The following SGO2 variants were observed in gnomAD, a reference collection of about 807,000 sequenced individuals.
SGO2 encodes the protein shugoshin 2.
Under a neutral mutation model 99.5 loss-of-function variants are expected in SGO2, and 68 were observed. The observed-to-expected ratio is 0.68, with a 90% CI of 0.56 to 0.84. The LOEUF (loss-of-function observed/expected upper bound fraction) is 0.84, where lower values mean the gene tolerates loss of function less well. SGO2 is among the 40% of genes least tolerant of loss of function. The pLI, the probability that SGO2 is intolerant of heterozygous loss-of-function variation, is 0.00. For missense variants in SGO2, 1,350 were observed against 1,436.7 expected (o/e 0.94, Z 0.97); for synonymous variants, 457 against 487.1 (o/e 0.94, Z 0.81).
Position 200,570,546 on chromosome 2 carries a change from C to CAT in SGO2, c.704-498_704-497dup, listed in dbSNP as rs1208689992. On this transcript the variant is annotated intron_variant, in intron 6 of 8. Coordinates refer to ENST00000357799, the MANE Select transcript of SGO2 (RefSeq NM_152524.6). This position sits in a 1 kb window ranked among gnomAD's most constrained non-coding sequence, Gnocchi z 4.4. Reference sequence around the variant, plus strand: ...TATGTATATAATATATACACACACACATATATACACACATATATATGGTAT... The same window carrying CAT: ...TATGTATATAATATATACACACACACATATATATACACACATATATATGGTAT... Among the ~76,000 whole-genome samples the CAT allele has an allele frequency of 3.6e-5, 5 of 139,038 alleles. No individual in the cohort carries two copies. Among genetic ancestry groups the CAT allele is most frequent in the African/African-American group, 1.3e-4 (5 of 38,812 alleles). The allele number at this position is 139,038 out of a possible 152,430, so 91.2% of individuals were successfully genotyped here. A position where few individuals can be genotyped will look rare whatever the true frequency, so the allele number is the denominator to read the frequency against.
At position 200,536,150 on chromosome 2, in the gene SGO2, G is replaced by GA; in HGVS notation, c.387+10dup. 1 of 1,535,206 alleles carries GA rather than the reference G, an allele frequency of 6.5e-7. No homozygotes were observed. The highest frequency in any genetic ancestry group is 9.0e-7 in the Non-Finnish European group (1 of 1,115,828). ...ATGAGCAGTCTTTCTGAGGTAAGTA[G>GA]AATTTATATGTAAATAGTGTTGTTC... On this transcript the variant is annotated intron_variant, in intron 4 of 8. Transcript: ENST00000357799.
At chr2:200,566,631 TCTG>T (rs1407453785) in intron 5 of SGO2, among the ~76,000 whole-genome samples, 2 of 152,300 alleles carry the variant, frequency 1.3e-5, no homozygotes, top group East Asian at 1.9e-4. Flanking sequence ...TGCAGAAATT[TCTG>T]CTGCCTTTTG....
intron 5 of SGO2, among the ~76,000 whole-genome samples, chr2:200,545,311 C>A (rs1455344231): frequency 1.3e-5 from 2 of 152,096 alleles, no homozygotes; most frequent in African/African-American, 4.8e-5. Context: ...CTGGCATATT[C>A]TTCGTGTATC....
At position 200,573,673 on chromosome 2, in the gene SGO2, A is replaced by G; in HGVS notation, c.3327A>G (p.Val1109=). The G allele has an allele frequency of 1.2e-6, 2 of 1,613,422 alleles. No homozygotes were observed. The highest frequency in any genetic ancestry group is 1.7e-6 in the Non-Finnish European group (2 of 1,179,552). The change falls in exon 7 of 9, where the codon GTA becomes GTG. Residue 1109 remains valine, a synonymous_variant. Transcript: ENST00000357799. ...ILDSVQGKST[V]SEQADKENNL... ...ACAGCGTTCAGGGAAAGTCTACTGT[A>G]TCTGAACAAGCTGATAAGGAAAACA...
chr2:200,561,444 T>C (rs2032962249), intron 5 of SGO2, among the ~76,000 whole-genome samples: 1 of 152,254 alleles, frequency 6.6e-6, no homozygotes, highest in South Asian at 2.1e-4. Flanking sequence ...AGTCTATCAT[T>C]GTTGGACATT....
intron 5 of SGO2, among the ~76,000 whole-genome samples, chr2:200,545,834 C>T (rs934640334): frequency 1.3e-5 from 2 of 152,186 alleles, no homozygotes; most frequent in Non-Finnish European, 2.9e-5. Flanking sequence ...CTGTCCTTGC[C>T]TTAACTGATG....
chr2:200,533,547 G>GTGTGTGTGTGTATA lies in SGO2; in HGVS notation c.133+440_133+441insGTGTGTGTGTATAT, dbSNP rs1396628320. Among the ~76,000 whole-genome samples, 17 of 143,052 alleles carry GTGTGTGTGTGTATA rather than the reference G, an allele frequency of 1.2e-4. No homozygotes were observed. The South Asian group carries it at 1.8e-3, about 15-fold the overall frequency. 93.8% of individuals were successfully genotyped at this position (143,052 alleles called of 152,430 possible). A position where few individuals can be genotyped will look rare whatever the true frequency, so the allele number is the denominator to read the frequency against. The stretch of plus-strand genomic sequence containing the variant: ...TGTGTGTGTGTGTGTGTGTGTGTGT[G>GTGTGTGTGTGTATA]TATACATGTGACTTTATATAGGCAA... On this transcript the variant is annotated intron_variant, in intron 2 of 8. Coordinates refer to ENST00000357799, the MANE Select transcript of SGO2 (RefSeq NM_152524.6).
Position 200,571,412 on chromosome 2 carries a change from T to G in SGO2, c.1066T>G (p.Leu356Val). The G allele has an allele frequency of 6.2e-7, 1 of 1,609,590 alleles. No homozygotes were observed. Among genetic ancestry groups the G allele is most frequent in the Non-Finnish European group, 8.5e-7 (1 of 1,176,754 alleles). Residue 356 changes from leucine to valine, a missense_variant, in exon 7 of 9, where the codon TTG (leucine) becomes GTG (valine). By Grantham distance (32) the Leu-to-Val change is conservative (BLOSUM62 1). Transcript: ENST00000357799. ...NQIEDNDDFQ[L>V]QKTVYDADMD... Reference sequence around the variant, plus strand: ...AATTGAGGATAATGATGACTTTCAATTGCAGAAAACTGTGTATGATGCTGA... The same window carrying G: ...AATTGAGGATAATGATGACTTTCAAGTGCAGAAAACTGTGTATGATGCTGA...
chr2:200,551,514 A>T (rs527643172), intron 5 of SGO2, among the ~76,000 whole-genome samples: 56 of 152,284 alleles, frequency 3.7e-4, no homozygotes, highest in Non-Finnish European at 2.2e-4. Context: ...AGACTTAAAA[A>T]TGGGAAAGAT....
intron 5 of SGO2, among the ~76,000 whole-genome samples, chr2:200,546,176 G>A (rs2032200027): frequency 1.7e-5 from 1 of 57,264 alleles, no homozygotes; most frequent in South Asian, 5.4e-4. Flanking sequence ...GTATAGATTT[G>A]CTAAAAAAAA....
chr2:200,583,429 C>T lies in SGO2; in HGVS notation c.3783-20C>T, dbSNP rs1427188407. 8.9e-6 allele frequency: 14 copies of T among 1,574,854 alleles called. No individual in the cohort carries two copies. The highest frequency in any genetic ancestry group is 1.1e-5 in the Non-Finnish European group (13 of 1,163,760). ...TTAATTTTGGGTTGTTATTAATCTT[C>T]CTTTTTTTCTACTTTGCAGCAAGAT... On this transcript the variant is annotated intron_variant, in intron 8 of 8. Coordinates refer to ENST00000357799, the MANE Select transcript of SGO2 (RefSeq NM_152524.6).
chr2:200,570,939 C>A lies in SGO2; in HGVS notation c.704-111C>A. 1 of 973,274 alleles carries A rather than the reference C, an allele frequency of 1.0e-6. No homozygotes were observed. Among genetic ancestry groups the A allele is most frequent in the Non-Finnish European group, 1.5e-6 (1 of 672,088 alleles). 60.3% of individuals were successfully genotyped at this position (973,274 alleles called of 1,614,324 possible). Reference sequence around the variant, plus strand: ...GTAATATTAGGATCTGATCAGAACACATTGTCAGAAATTATATCTGTGAAA... The same window carrying A: ...GTAATATTAGGATCTGATCAGAACAAATTGTCAGAAATTATATCTGTGAAA... On this transcript the variant is annotated intron_variant, in intron 6 of 8. Coordinates refer to ENST00000357799, the MANE Select transcript of SGO2 (RefSeq NM_152524.6). This position sits in a 1 kb window ranked among gnomAD's most constrained non-coding sequence, Gnocchi z 4.4.
intron 1 of SGO2, among the ~76,000 whole-genome samples, chr2:200,528,532 G>A (rs1423808372): frequency 6.6e-6 from 1 of 152,178 alleles, no homozygotes; most frequent in Non-Finnish European, 1.5e-5. Context: ...ACATGGTGGA[G>A]TAGGTTGGGG....
At chr2:200,533,188 C>G in intron 2 of SGO2, 80 bp downstream of exon 2, 1 of 1,406,472 alleles carries the variant, frequency 7.1e-7, no homozygotes, top group Non-Finnish European at 9.5e-7. Context: ...CTTATTTTAT[C>G]AAGTACAGAA....
At position 200,570,478 on chromosome 2, in the gene SGO2, A is replaced by ATGTGTGTGTGTGTGTG. The variant is rs71022323; in HGVS notation, c.704-555_704-540dup. 1.8e-4 allele frequency among the ~76,000 whole-genome samples: 26 copies of ATGTGTGTGTGTGTGTG among 142,832 alleles called. No individual in the cohort carries two copies. Among genetic ancestry groups the ATGTGTGTGTGTGTGTG allele is most frequent in the African/African-American group, 5.7e-4 (22 of 38,612 alleles). The allele number at this position is 142,832 out of a possible 152,430, so 93.7% of individuals were successfully genotyped here. ...TTAGAATTGTTTTTCCTTTCTGAAA[A>ATGTGTGTGTGTGTGTG]TGTGTGTGTGTGTGTGTGTGTGTGT... is the stretch of plus-strand genomic sequence containing the variant. On this transcript the variant is annotated intron_variant, in intron 6 of 8. Coordinates refer to ENST00000357799, the MANE Select transcript of SGO2 (RefSeq NM_152524.6). This position sits in a 1 kb window ranked among gnomAD's most constrained non-coding sequence, Gnocchi z 4.4.
intron 4 of SGO2, among the ~76,000 whole-genome samples, chr2:200,540,666 T>C (rs1236023138): frequency 6.6e-6 from 1 of 152,248 alleles, no homozygotes; most frequent in Non-Finnish European, 1.5e-5. Context: ...AACTCCTTCT[T>C]ATCACTGAAT....
chr2:200,529,468 TGATA>T (rs944223410), intron 1 of SGO2, among the ~76,000 whole-genome samples: 1 of 152,160 alleles, frequency 6.6e-6, no homozygotes, highest in Admixed American at 6.5e-5. Context: ...TGTTAGATAG[TGATA>T]GATGTTGAGG....
chr2:200,560,263 A>G (rs374671087), intron 5 of SGO2, among the ~76,000 whole-genome samples: 100 of 152,240 alleles, frequency 6.6e-4, no homozygotes, highest in African/African-American at 2.3e-3. Context: ...ATTTCTAGCA[A>G]TGGTTCCTGC....
At chr2:200,551,706 A>G (rs1024067340) in intron 5 of SGO2, among the ~76,000 whole-genome samples, 2 of 151,504 alleles carry the variant, frequency 1.3e-5, no homozygotes, top group African/African-American at 2.4e-5. Flanking sequence ...TTTTTTTTTC[A>G]TGTAGGTATC....
Sources: gnomAD v4.1 joint callset for allele counts (sites outside exome capture counted in the v4.1 genomes callset) on GRCh38, gnomAD v4.1.1 for gene constraint, Gnocchi (gnomAD v3.1) non-coding constraint, MANE v1.5 for transcripts, NCBI Gene and HGNC (gene_info 2026-07-23, HGNC 2026-07-21) for gene names.